The following GGT5 variants were observed in gnomAD, a reference collection of about 807,000 sequenced individuals.
GGT5 encodes the protein glutathione hydrolase 5 proenzyme.
Under a neutral mutation model 58.1 loss-of-function variants are expected in GGT5, and 50 were observed. The observed-to-expected ratio is 0.86, with a 90% CI of 0.69 to 1.09. The LOEUF is 1.09. GGT5 is among the 50% of genes least tolerant of loss of function. The pLI, the probability that GGT5 is intolerant of heterozygous loss-of-function variation, is 0.00. For synonymous variants in GGT5, 370 were observed against 346.1 expected, an observed-to-expected ratio of 1.07 and a Z score of -0.77; for missense variants, 800 against 789.4, an observed-to-expected ratio of 1.01 and a Z score of -0.16.
intron 11 of GGT5, among the ~76,000 whole-genome samples, chr22:24,222,875 A>C (rs2047635941): frequency 1.3e-5 from 2 of 150,988 alleles, no homozygotes; most frequent in Non-Finnish European, 2.9e-5. Flanking sequence ...CAGGAGATCG[A>C]GACCATCCTG....
chr22:24,222,984 G>A (rs1198155372), intron 11 of GGT5, among the ~76,000 whole-genome samples: 1 of 152,200 alleles, frequency 6.6e-6, no homozygotes, highest in African/African-American at 2.4e-5. Context: ...GGATGAGGCG[G>A]GAGGATGAGG....
At chr22:24,242,970 G>A (rs1308354431) in intron 1 of GGT5, 1 of 152,356 alleles carries the variant, frequency 6.6e-6, no homozygotes, top group Non-Finnish European at 1.5e-5. Flanking sequence ...GACAGTTTGA[G>A]GGGATGCCAG....
rs774325791 is a variant in GGT5 at position 24,226,155 on chromosome 22, G to T, written c.1150C>A (p.His384Asn). Residue 384 changes from histidine to asparagine, a missense_variant, in exon 8 of 12, where the codon CAC becomes AAC. By Grantham distance (68) the His-to-Asn change is moderately conservative. Transcript: ENST00000327365. ...GACACATGGGACGTGCCTGTCCCGT[G>T]GCCCCAGGCCTCGGCCAAGCTGTAG... ...SHYSLAEAWG[H>N]GTGTSHVSVL... 20 of 1,611,190 alleles carry T rather than the reference G, an allele frequency of 1.2e-5. 1 individual carries two copies. The South Asian group carries it at 2.1e-4, about 17-fold the overall frequency.
intron 1 of GGT5, among the ~76,000 whole-genome samples, chr22:24,240,854 T>C (rs5760273): frequency 0.58 from 87,865 of 151,916 alleles, 25,653 homozygotes; most frequent in African/African-American, 0.64. Context: ...AGACACATCA[T>C]GGAAAAGAAG....
intron 1 of GGT5, among the ~76,000 whole-genome samples, chr22:24,238,627 C>A (rs1272544498): frequency 7.4e-6 from 1 of 135,814 alleles, no homozygotes. Flanking sequence ...TCACTTGAAC[C>A]CGGGAGGCAG....
intron 9 of GGT5, 51 bp downstream of exon 9, chr22:24,225,495 T>C: frequency 6.3e-7 from 1 of 1,577,904 alleles, no homozygotes; most frequent in Non-Finnish European, 8.7e-7. Context: ...CTCCCTCCTC[T>C]CCCCTGGTGG....
In GGT5 at chr22:24,232,860, T is replaced by A; in HGVS notation, c.559A>T (p.Ser187Cys). The A allele has an allele frequency of 6.4e-7, 1 of 1,570,678 alleles. No individual in the cohort carries two copies. Among genetic ancestry groups the A allele is most frequent in the Non-Finnish European group, 8.6e-7 (1 of 1,156,802 alleles). Residue 187 changes from serine to cysteine, a missense_variant, in exon 4 of 12, where the codon AGC becomes TGC. By Grantham distance (112) the Ser-to-Cys change is moderately radical. Transcript: ENST00000327365. ...GCCTGCAAGGAAGGCCGCAGGATGC[T>A]GTTGTGCAGGAAACGGCTGAGGACA... is the stretch of plus-strand genomic sequence containing the variant. ...APVLSRFLHN[S>C]ILRPSLQAST...
rs540709243 is a variant in GGT5, at chr22:24,222,136, G to A, written c.1615-2020C>T. ...GGAGGTTGCAATAAGCTGAGATCGC[G>A]CCACTGCACTCCAGCCTGGGTGACA... On this transcript the variant is annotated intron_variant, in intron 11 of 11. Transcript: ENST00000327365. 1.1e-4 allele frequency among the ~76,000 whole-genome samples: 17 copies of A among 152,098 alleles called. No individual in the cohort carries two copies. In the South Asian group the frequency reaches 3.1e-3, roughly 28 times the overall value.
Position 24,226,838 on chromosome 22 carries a change from C to T in GGT5, c.902-71G>A, listed in dbSNP as rs2047782997. Reference sequence around the variant, plus strand: ...ATGGGTTGAATGTTGCCCCCACCCCCCACCACAGAAAGATCCACCCACATC... The same window carrying T: ...ATGGGTTGAATGTTGCCCCCACCCCTCACCACAGAAAGATCCACCCACATC... On this transcript the variant is annotated intron_variant, in intron 6 of 11. Coordinates refer to ENST00000327365, the MANE Select transcript of GGT5 (RefSeq NM_004121.5). 5.3e-6 allele frequency: 7 copies of T among 1,322,920 alleles called. No homozygotes were observed. The South Asian group carries it at 8.6e-5, about 16-fold the overall frequency. 81.9% of individuals were successfully genotyped at this position (1,322,920 alleles called of 1,614,324 possible).
chr22:24,234,560 C>T (rs1027761868), intron 1 of GGT5, among the ~76,000 whole-genome samples: 5 of 152,328 alleles, frequency 3.3e-5, no homozygotes, highest in African/African-American at 1.2e-4. Flanking sequence ...TGGCTCATGC[C>T]TATAATCCCT....
rs1273239063 is a variant in GGT5 at position 24,228,048 on chromosome 22, C to CAAAAAAAAAAAAAAAAAAAAAAA, written c.902-1282_902-1281insTTTTTTTTTTTTTTTTTTTTTTT. ...TAGTAAACAGAGCAAGACTCTGTCT[C>CAAAAAAAAAAAAAAAAAAAAAAA]AAAAAAAAAAAAAAAAAACAAAACA... On this transcript the variant is annotated intron_variant, in intron 6 of 11. Transcript: ENST00000327365. Among the ~76,000 whole-genome samples, 6 of 22,072 alleles carry CAAAAAAAAAAAAAAAAAAAAAAA rather than the reference C, an allele frequency of 2.7e-4. 1 individual carries two copies. Among genetic ancestry groups the CAAAAAAAAAAAAAAAAAAAAAAA allele is most frequent in the South Asian group, 4.1e-3 (2 of 486 alleles). 14.5% of individuals were successfully genotyped at this position (22,072 alleles called of 152,430 possible). A position where few individuals can be genotyped will look rare whatever the true frequency, so the allele number is the denominator to read the frequency against.
chr22:24,239,935 AATTAGCCGGGC>A (rs1362937460), intron 1 of GGT5, among the ~76,000 whole-genome samples: 1 of 151,862 alleles, frequency 6.6e-6, no homozygotes, highest in Non-Finnish European at 1.5e-5. Context: ...AGAATACAAA[AATTAGCCGGGC>A]ATAGTGGTGC....
In GGT5 at chr22:24,244,795, T is replaced by C. The variant is rs1309240462; in HGVS notation, c.-70A>G. 2 of 1,512,512 alleles carry C rather than the reference T, an allele frequency of 1.3e-6. No homozygotes were observed. The highest frequency in any genetic ancestry group is 2.8e-5 in the African/African-American group (2 of 72,262). 93.7% of individuals were successfully genotyped at this position (1,512,512 alleles called of 1,614,324 possible). The stretch of plus-strand genomic sequence containing the variant: ...AGGGACGGATGGGTGGGCAGATGAA[T>C]GGACAAGAAGATGCACAGAGTCACA... On this transcript the variant is annotated 5_prime_UTR_variant, in exon 1 of 12. Transcript: ENST00000327365.
At chr22:24,229,114 T>C (rs1372407136) in intron 6 of GGT5, among the ~76,000 whole-genome samples, 1 of 145,688 alleles carries the variant, frequency 6.9e-6, no homozygotes, top group African/African-American at 2.6e-5. Context: ...GAAGGAATGA[T>C]ATAATGGGGC....
intron 1 of GGT5, among the ~76,000 whole-genome samples, chr22:24,236,631 C>T (rs540378940): frequency 1.5e-3 from 223 of 151,986 alleles, no homozygotes; most frequent in Middle Eastern, 3.4e-3. Context: ...GGCATGGTGG[C>T]GGGTGCCTGT....
chr22:24,226,254 C>T lies in GGT5; in HGVS notation c.1051G>A (p.Asp351Asn). The change falls in exon 8 of 12, where the codon GAC becomes AAC. Residue 351 changes from aspartate (D) to asparagine (N), a missense_variant. Physicochemically the swap from Asp to Asn is conservative, Grantham distance 23. Transcript: ENST00000327365. ...SHPKLQNASR[D>N]LLGETLAQLI... ...TGGGCCAGGGTCTCCCCCAGCAGGT[C>T]CCGGGAGGCATTCTGGGGTGGGTGG... 1 of 1,600,544 alleles carries T rather than the reference C, an allele frequency of 6.2e-7. No individual in the cohort carries two copies. Among genetic ancestry groups the T allele is most frequent in the South Asian group, 1.1e-5 (1 of 90,348 alleles).
intron 6 of GGT5, among the ~76,000 whole-genome samples, chr22:24,230,607 A>T (rs2047909358): frequency 6.6e-6 from 1 of 152,058 alleles, no homozygotes; most frequent in African/African-American, 2.4e-5. Context: ...AATAAAATGT[A>T]CAATAAATTA....
At chr22:24,238,778 T>TA (rs1207691256) in intron 1 of GGT5, among the ~76,000 whole-genome samples, 1 of 26,902 alleles carries the variant, frequency 3.7e-5, no homozygotes, top group Non-Finnish European at 5.7e-5. Flanking sequence ...TATATATATA[T>TA]AATATATATT....
intron 1 of GGT5, among the ~76,000 whole-genome samples, chr22:24,236,976 A>G (rs2048115386): frequency 6.6e-6 from 1 of 151,754 alleles, no homozygotes; most frequent in African/African-American, 2.4e-5. Flanking sequence ...AGGCTGAGAA[A>G]TAGATCAGGG....
Sources: gnomAD v4.1 joint callset for allele counts (sites outside exome capture counted in the v4.1 genomes callset) on GRCh38, gnomAD v4.1.1 for gene constraint, MANE v1.5 for transcripts, NCBI Gene and HGNC (gene_info 2026-07-23, HGNC 2026-07-21) for gene names.